Variants in SEC24C observed in about 807,000 individuals in gnomAD.
SEC24C encodes the protein SEC24 homolog C, COPII component, also known as protein transport protein Sec24C.
A neutral mutation model predicts 117.0 loss-of-function variants in SEC24C; 22 were observed. That is an observed-to-expected ratio of 0.19 (90% CI 0.13 to 0.27). The LOEUF (loss-of-function observed/expected upper bound fraction) is 0.27. Among genes scored for constraint, SEC24C ranks in the 10% least tolerant of loss-of-function variants. The probability of loss-of-function intolerance (pLI) is 1.00; values close to 1 mark genes in which losing one functional copy is unlikely to be tolerated. For synonymous variants in SEC24C, 506 were observed against 529.4 expected, an observed-to-expected ratio of 0.96 and a Z score of 0.61; for missense variants, 1,155 against 1,375.1, an observed-to-expected ratio of 0.84 and a Z score of 2.53.
In SEC24C at chr10:73,759,629, G is replaced by T; in HGVS notation, c.316G>T (p.Gly106Trp). The stretch of plus-strand genomic sequence containing the variant: ...CTTGCTTTCTTTTCACAGGCTGCCT[G>T]GGTCTCAGCCATTTGGGTCCCCATT... ...SSTVQMQRLPGSQPFGSPLAP... is the reference protein window; with the variant it reads ...SSTVQMQRLPWSQPFGSPLAP... Residue 106 changes from glycine (G) to tryptophan (W), a missense_variant, in exon 4 of 23, where the codon GGG (glycine) becomes TGG (tryptophan). Physicochemically the swap from Gly to Trp is radical, Grantham distance 184. Coordinates refer to ENST00000345254, the MANE Select transcript of SEC24C (RefSeq NM_198597.3). 1 of 1,521,062 alleles carries T rather than the reference G, an allele frequency of 6.6e-7. No homozygotes were observed. Among genetic ancestry groups the T allele is most frequent in the East Asian group, 2.4e-5 (1 of 42,288 alleles). The allele number at this position is 1,521,062 out of a possible 1,614,324, so 94.2% of individuals were successfully genotyped here.
Position 73,763,860 on chromosome 10 carries a change from T to C in SEC24C, c.1104T>C (p.Asn368=). ...GTCTTCTGCCTCCTTCTTCAGGGAA[T>C]GCAAGTCCCCGATACATCCGATGTA... ...TTNFLVKDQG[N]ASPRYIRCTS... is the part of the protein sequence containing the mutation. Residue 368 remains asparagine (N), a synonymous_variant, in exon 8 of 23, where the codon AAT becomes AAC. Coordinates refer to ENST00000345254, the MANE Select transcript of SEC24C (RefSeq NM_198597.3). The C allele has an allele frequency of 6.2e-7, 1 of 1,613,522 alleles. No homozygotes were observed. The highest frequency in any genetic ancestry group is 8.5e-7 in the Non-Finnish European group (1 of 1,179,792).
intron 2 of SEC24C, among the ~76,000 whole-genome samples, chr10:73,749,420 T>C (rs2082610643): frequency 6.6e-6 from 1 of 152,196 alleles, no homozygotes; most frequent in Non-Finnish European, 1.5e-5. Context: ...TCCATCCTTT[T>C]CCTTTGCTTG....
chr10:73,762,113 C>T (rs2082806658), intron 6 of SEC24C: 1 of 1,289,634 alleles, frequency 7.8e-7, no homozygotes, highest in African/African-American at 1.5e-5. Context: ...CAGTGAGCTG[C>T]CTCCTCAGCA....
At chr10:73,761,381 A>C (rs979531706) in intron 6 of SEC24C, among the ~76,000 whole-genome samples, 1 of 152,168 alleles carries the variant, frequency 6.6e-6, no homozygotes, top group Admixed American at 6.5e-5. Context: ...TTATGAGGGC[A>C]GTGTGTATGT....
intron 6 of SEC24C, 103 bp downstream of exon 6, chr10:73,760,952 T>A: frequency 7.8e-7 from 1 of 1,282,110 alleles, no homozygotes; most frequent in East Asian, 2.6e-5. Flanking sequence ...TAATTTTCCC[T>A]TTTTGTTCAT....
At chr10:73,747,592 T>G (rs932772381) in intron 2 of SEC24C, among the ~76,000 whole-genome samples, 10 of 151,748 alleles carry the variant, frequency 6.6e-5, no homozygotes, top group Non-Finnish European at 1.2e-4. Flanking sequence ...GACCTTGTGA[T>G]CTGCCCGCCT....
intron 1 of SEC24C, among the ~76,000 whole-genome samples, chr10:73,744,756 G>C (rs183040033): frequency 3.9e-5 from 6 of 152,150 alleles, no homozygotes; most frequent in Admixed American, 3.9e-4. Flanking sequence ...TTTGATCCTC[G>C]GCTCTCCGAG....
chr10:73,765,382 T>C, intron 8 of SEC24C, 69 bp from the exon 9 acceptor site: 1 of 1,562,510 alleles, frequency 6.4e-7, no homozygotes, highest in Non-Finnish European at 8.8e-7. Flanking sequence ...CCGGTTGTTC[T>C]TCCTCATCTC....
rs2082933934 is a variant in SEC24C, at chr10:73,769,208, G to C, written c.2424+56G>C. 6.2e-7 allele frequency: 1 copy of C among 1,604,678 alleles called. No individual in the cohort carries two copies. Among genetic ancestry groups the C allele is most frequent in the African/African-American group, 1.3e-5 (1 of 74,780 alleles). ...AGTGTTTCATTCGCTTGGTATAGAA[G>C]AGGGTGAGGAATGGGTAGAGAGCAC... On this transcript the variant is annotated intron_variant, in intron 17 of 22. Transcript: ENST00000345254. The surrounding 1 kb of genome is among the most constrained non-coding windows in gnomAD (Gnocchi z 4.5).
rs769310694 is a variant in SEC24C at position 73,747,039 on chromosome 10, A to G, written c.172+35A>G. 48 of 1,591,558 alleles carry G rather than the reference A, an allele frequency of 3.0e-5. No homozygotes were observed. In the Admixed American group the frequency reaches 7.9e-4, roughly 26 times the overall value. ...TGTTTCTGTTTCCTTTGAGCTAGGG[A>G]GGGAAATCAGCAGAGTCTTCAGGTT... On this transcript the variant is annotated intron_variant, in intron 2 of 22. Coordinates refer to ENST00000345254, the MANE Select transcript of SEC24C (RefSeq NM_198597.3).
chr10:73,769,371 G>T lies in SEC24C; in HGVS notation c.2449G>T (p.Ala817Ser). 1 of 1,613,996 alleles carries T rather than the reference G, an allele frequency of 6.2e-7. No individual in the cohort carries two copies. Among genetic ancestry groups the T allele is most frequent in the Non-Finnish European group, 8.5e-7 (1 of 1,179,972 alleles). The change falls in exon 18 of 23, where the codon GCA becomes TCA. Residue 817 changes from alanine (A) to serine (S), a missense_variant. This residue lies in a region of SEC24C where 759 missense variants were observed against 992.3 expected (regional missense o/e 0.76). Transcript: ENST00000345254. The surrounding 1 kb of genome is among the most constrained non-coding windows in gnomAD (Gnocchi z 4.5). ...GTGTGCCCTGCTTTACACCAGCTGT[G>T]CAGGGCAGCGTCGGCTCCGCATCCA... is the stretch of plus-strand genomic sequence containing the variant. Reference protein sequence around the residue: ...LQCALLYTSCAGQRRLRIHNL... With the variant: ...LQCALLYTSCSGQRRLRIHNL...
intron 6 of SEC24C, among the ~76,000 whole-genome samples, 175 bp from the exon 7 acceptor site, chr10:73,763,315 T>C (rs911481044): frequency 1.3e-5 from 2 of 152,162 alleles, no homozygotes; most frequent in African/African-American, 4.8e-5. Context: ...GAGTGTAAGA[T>C]TGGCATTACA....
chr10:73,769,277 C>A lies in SEC24C; in HGVS notation c.2425-70C>A. 6.3e-7 allele frequency: 1 copy of A among 1,595,260 alleles called. No individual in the cohort carries two copies. The highest frequency in any genetic ancestry group is 8.5e-7 in the Non-Finnish European group (1 of 1,169,850). ...ACGGGAGTGGCTCATTTCTCTCTTC[C>A]AGTTTAATAGTGTAGCAAAGGGCCT... On this transcript the variant is annotated intron_variant, in intron 17 of 22. Transcript: ENST00000345254. The surrounding 1 kb of genome is among the most constrained non-coding windows in gnomAD (Gnocchi z 4.5).
At position 73,771,118 on chromosome 10, in the gene SEC24C, G is replaced by A. The variant is rs1330241738; in HGVS notation, c.*23G>A. The A allele has an allele frequency of 1.2e-6, 2 of 1,607,762 alleles. No individual in the cohort carries two copies. Among genetic ancestry groups the A allele is most frequent in the Admixed American group, 3.4e-5 (2 of 59,054 alleles). The stretch of plus-strand genomic sequence containing the variant: ...TAAAGCAAGTGGGTAAATGGCATAG[G>A]GCCCAGGCTAGCTTCCAGAAAGCAC... On this transcript the variant is annotated 3_prime_UTR_variant, in exon 23 of 23. Transcript: ENST00000345254.
At chr10:73,765,364 T>G in intron 8 of SEC24C, 87 bp from the exon 9 acceptor site, 1 of 1,487,676 alleles carries the variant, frequency 6.7e-7, no homozygotes, top group East Asian at 2.3e-5. Flanking sequence ...GCCATGCGCC[T>G]TCTTCCTCCG....
chr10:73,767,906 G>A lies in SEC24C; in HGVS notation c.2080G>A (p.Val694Ile), dbSNP rs1253851404. The change falls in exon 15 of 23, where the codon GTA becomes ATA. Residue 694 changes from valine to isoleucine, a missense_variant. Val to Ile is a conservative substitution (Grantham distance 29, BLOSUM62 3). Coordinates refer to ENST00000345254, the MANE Select transcript of SEC24C (RefSeq NM_198597.3). ...AGAGTGTGTGGCCCAAGGCTGCTGT[G>A]TAGATCTCTTTCTCTTCCCTAACCA... ...AKECVAQGCCVDLFLFPNQYV... is the reference protein window; with the variant it reads ...AKECVAQGCCIDLFLFPNQYV... 6.2e-7 allele frequency: 1 copy of A among 1,613,762 alleles called. No homozygotes were observed. The highest frequency in any genetic ancestry group is 8.5e-7 in the Non-Finnish European group (1 of 1,179,944).
At chr10:73,756,278 C>T (rs2082708632) in intron 3 of SEC24C, among the ~76,000 whole-genome samples, 1 of 152,104 alleles carries the variant, frequency 6.6e-6, no homozygotes, top group Admixed American at 6.5e-5. Flanking sequence ...CAGATGAGTC[C>T]TTGGGCTTTC....
chr10:73,769,512 G>T lies in SEC24C; in HGVS notation c.2563+27G>T. On this transcript the variant is annotated intron_variant, in intron 18 of 22. Transcript: ENST00000345254. The surrounding 1 kb of genome is among the most constrained non-coding windows in gnomAD (Gnocchi z 4.5). The stretch of plus-strand genomic sequence containing the variant: ...TGAGGGTAGAAGCAGGGCAGGGTGG[G>T]ATTGGGGCTGAGAGGTCCAGGATGG... 6.2e-7 allele frequency: 1 copy of T among 1,614,062 alleles called. No individual in the cohort carries two copies. Among genetic ancestry groups the T allele is most frequent in the Non-Finnish European group, 8.5e-7 (1 of 1,179,952 alleles).
chr10:73,757,205 C>T (rs1211786355), intron 3 of SEC24C, among the ~76,000 whole-genome samples: 1 of 143,968 alleles, frequency 6.9e-6, no homozygotes, highest in Admixed American at 6.8e-5. Flanking sequence ...TGAGCCACTG[C>T]ACCTGGCCTA....
Sources: gnomAD v4.1 joint callset for allele counts (sites outside exome capture counted in the v4.1 genomes callset) on GRCh38, gnomAD v4.1.1 for gene constraint, gnomAD v4.1.1 regional missense constraint, Gnocchi (gnomAD v3.1) non-coding constraint, MANE v1.5 for transcripts, NCBI Gene and HGNC (gene_info 2026-07-23, HGNC 2026-07-21) for gene names.